The following VAV3 variants were observed in gnomAD, a reference collection of about 807,000 sequenced individuals.
VAV3 encodes the protein guanine nucleotide exchange factor VAV3.
VAV3 carries 94 observed loss-of-function variants against 131.2 expected under a neutral mutation model. The observed-to-expected ratio is 0.72, with a 90% CI of 0.61 to 0.85. The LOEUF (loss-of-function observed/expected upper bound fraction) is 0.85, where lower values mean the gene tolerates loss of function less well. Ranked by LOEUF, VAV3 falls within the 40% of genes least tolerant of loss-of-function variation. VAV3 has a pLI of 0.00. For synonymous variants in VAV3, 349 were observed against 342.0 expected, an observed-to-expected ratio of 1.02 and a Z score of -0.22; for missense variants, 939 against 1,002.7, an observed-to-expected ratio of 0.94 and a Z score of 0.86.
intron 25 of VAV3, among the ~76,000 whole-genome samples, chr1:107,587,531 T>C (rs1363029280): frequency 1.3e-5 from 2 of 152,196 alleles, no homozygotes; most frequent in Non-Finnish European, 2.9e-5. Context: ...TATGGTAAAT[T>C]AACTGCATTG....
chr1:107,711,313 G>A (rs978173243), intron 15 of VAV3, among the ~76,000 whole-genome samples: 3 of 152,178 alleles, frequency 2.0e-5, no homozygotes, highest in Non-Finnish European at 4.4e-5. Flanking sequence ...TTGAGACCCC[G>A]AGTGCAAAGA....
intron 1 of VAV3, among the ~76,000 whole-genome samples, chr1:107,946,549 G>A (rs75363405): frequency 0.033 from 5,034 of 152,126 alleles, 116 homozygotes; most frequent in South Asian, 0.13. Flanking sequence ...TAGAAATTTC[G>A]CATTGGAAAA....
At chr1:107,610,159 A>T (rs1652619297) in intron 21 of VAV3, among the ~76,000 whole-genome samples, 194 bp from the exon 22 acceptor site, 1 of 152,196 alleles carries the variant, frequency 6.6e-6, no homozygotes, top group Admixed American at 6.5e-5. Flanking sequence ...ATTTCACTTT[A>T]ATTCATTCTT....
chr1:107,778,737 T>C (rs571141582), intron 3 of VAV3, among the ~76,000 whole-genome samples: 66 of 152,284 alleles, frequency 4.3e-4, no homozygotes, highest in East Asian at 2.1e-3. Flanking sequence ...AAAAACAAAT[T>C]TGATCCATTT....
At chr1:107,645,506 T>C (rs1034084059) in intron 19 of VAV3, among the ~76,000 whole-genome samples, 1 of 152,110 alleles carries the variant, frequency 6.6e-6, no homozygotes, top group Admixed American at 6.6e-5. Context: ...TTTTAGCATA[T>C]AGTAGGTGTT....
intron 20 of VAV3, among the ~76,000 whole-genome samples, chr1:107,626,031 GATA>G (rs1653995774): frequency 6.6e-6 from 1 of 152,130 alleles, no homozygotes; most frequent in Non-Finnish European, 1.5e-5. Flanking sequence ...AAAAAAAAGA[GATA>G]ATACTTCATT....
chr1:107,847,442 T>C (rs974268950), intron 2 of VAV3, among the ~76,000 whole-genome samples: 4 of 149,556 alleles, frequency 2.7e-5, no homozygotes, highest in South Asian at 2.1e-4. Context: ...ATGAAGGAGA[T>C]AGAGATACAA....
At chr1:107,583,338 C>A (rs949572013) in intron 25 of VAV3, among the ~76,000 whole-genome samples, 7 of 152,166 alleles carry the variant, frequency 4.6e-5, no homozygotes, top group East Asian at 3.9e-4. Context: ...ATTCCCTTTG[C>A]AAACTGGCAC....
intron 19 of VAV3, chr1:107,668,594 G>A (rs185000014): frequency 5.8e-4 from 561 of 973,744 alleles, no homozygotes; most frequent in Non-Finnish European, 6.5e-4. Context: ...CAGTCATGGA[G>A]TACAATGAAA....
chr1:107,740,887 C>A (rs940595534), intron 15 of VAV3, among the ~76,000 whole-genome samples: 6 of 152,188 alleles, frequency 3.9e-5, no homozygotes, highest in African/African-American at 1.4e-4. Flanking sequence ...GCCCACAAAG[C>A]CTAAACCATT....
chr1:107,826,054 G>T (rs751065657), intron 2 of VAV3, among the ~76,000 whole-genome samples: 13 of 152,076 alleles, frequency 8.5e-5, no homozygotes, highest in Non-Finnish European at 1.3e-4. Context: ...AATGAAATGC[G>T]GAATCAACAA....
At chr1:107,956,890 G>A (rs768268467) in intron 1 of VAV3, among the ~76,000 whole-genome samples, 9 of 152,126 alleles carry the variant, frequency 5.9e-5, no homozygotes, top group Middle Eastern at 3.4e-3. Flanking sequence ...AGGACAAATC[G>A]AGGGACGTCA....
chr1:107,850,090 G>A (rs911414054), intron 2 of VAV3, among the ~76,000 whole-genome samples: 1 of 152,120 alleles, frequency 6.6e-6, no homozygotes, highest in Non-Finnish European at 1.5e-5. Context: ...GAGAGGATAT[G>A]GAGAAATAGG....
At chr1:107,599,649 C>A (rs923572572) in intron 24 of VAV3, among the ~76,000 whole-genome samples, 5 of 151,876 alleles carry the variant, frequency 3.3e-5, no homozygotes, top group African/African-American at 1.2e-4. Context: ...TCTGATTAAC[C>A]AAGCTATTGA....
intron 2 of VAV3, among the ~76,000 whole-genome samples, chr1:107,840,921 T>TA (rs55688733): frequency 0.017 from 2,528 of 146,856 alleles, 25 homozygotes; most frequent in African/African-American, 0.024. Context: ...GAGATGCTTT[T>TA]AAAAAAAAAA....
At chr1:107,583,145 GC>G (rs1558065096) in intron 25 of VAV3, among the ~76,000 whole-genome samples, 1 of 152,084 alleles carries the variant, frequency 6.6e-6, no homozygotes, top group Admixed American at 6.6e-5. Context: ...GTTTTGATTT[GC>G]ATTTCTCTGA....
chr1:107,952,795 T>C (rs6665222), intron 1 of VAV3, among the ~76,000 whole-genome samples: 144,867 of 152,098 alleles, frequency 0.95, 69,357 homozygotes, highest in East Asian at 1. Flanking sequence ...CAGCATCTAC[T>C]ACAAAGTCCA....
intron 25 of VAV3, among the ~76,000 whole-genome samples, chr1:107,577,503 C>T (rs924374504): frequency 2.0e-5 from 3 of 152,236 alleles, no homozygotes; most frequent in Admixed American, 6.5e-5. Context: ...CATTTCTCAG[C>T]CTCCCTTGCA....
intron 1 of VAV3, among the ~76,000 whole-genome samples, chr1:107,929,712 G>T (rs560376718): frequency 3.9e-5 from 6 of 152,248 alleles, no homozygotes; most frequent in African/African-American, 1.4e-4. Flanking sequence ...AAATTTATTA[G>T]TTTTCTTTTT....
Sources: allele counts gnomAD v4.1 joint callset (sites outside exome capture counted in the v4.1 genomes callset), GRCh38; gene constraint gnomAD v4.1.1; transcripts MANE v1.5; gene names NCBI Gene and HGNC (gene_info 2026-07-23, HGNC 2026-07-21).